CHCHD6: variants seen among roughly 807,000 people sequenced by gnomAD.
CHCHD6 encodes the protein MICOS complex subunit MIC25.
CHCHD6 carries 28 observed loss-of-function variants against 32.3 expected under a neutral mutation model. That is an observed-to-expected ratio of 0.87 (90% CI 0.64 to 1.19). The LOEUF is 1.19. CHCHD6 is among the 50% of genes most tolerant of loss of function. CHCHD6 has a pLI of 0.00. For synonymous variants in CHCHD6, 122 were observed against 117.5 expected, an observed-to-expected ratio of 1.04 and a Z score of -0.25; for missense variants, 333 against 307.0, an observed-to-expected ratio of 1.08 and a Z score of -0.63.
chr3:126,716,753 G>T (rs1325854345), intron 1 of CHCHD6, among the ~76,000 whole-genome samples: 1 of 151,686 alleles, frequency 6.6e-6, no homozygotes, highest in Non-Finnish European at 1.5e-5. Context: ...GTGCCCGGAG[G>T]TCATAAGTGC....
At chr3:126,902,667 AG>A (rs2077945849) in intron 5 of CHCHD6, among the ~76,000 whole-genome samples, 2 of 150,664 alleles carry the variant, frequency 1.3e-5, no homozygotes, top group African/African-American at 4.9e-5. Flanking sequence ...CAGTGAGCCG[AG>A]ATCGCGCCAC....
chr3:126,947,227 C>G (rs991898821), intron 6 of CHCHD6, among the ~76,000 whole-genome samples: 7 of 152,236 alleles, frequency 4.6e-5, no homozygotes, highest in African/African-American at 1.7e-4. Flanking sequence ...GACGCTTCCG[C>G]TCACTTCTGT....
chr3:126,755,564 T>C (rs914694256), intron 4 of CHCHD6, among the ~76,000 whole-genome samples: 5 of 152,344 alleles, frequency 3.3e-5, no homozygotes, highest in East Asian at 3.9e-4. Context: ...ACTGTAGCTC[T>C]CTTTTTGGCA....
At chr3:126,766,978 G>C in intron 4 of CHCHD6, 1 of 908,112 alleles carries the variant, frequency 1.1e-6, no homozygotes. Context: ...TGTGTGGTTA[G>C]CGCCACAGGC....
Position 126,932,853 on chromosome 3 carries a change from G to A in CHCHD6, c.566+18103G>A, listed in dbSNP as rs73861728. Among the ~76,000 whole-genome samples, 360 of 152,216 alleles carry A rather than the reference G, an allele frequency of 2.4e-3. 2 individuals carry two copies. Among genetic ancestry groups the A allele is most frequent in the African/African-American group, 7.7e-3 (320 of 41,566 alleles). ...TTTGCTGAGCAGGCCCAGGGCAGGC[G>A]GGGCTTCTCTGGATGTTATTTAGCA... On this transcript the variant is annotated intron_variant, in intron 6 of 7. Transcript: ENST00000290913.
Position 126,864,858 on chromosome 3 carries a change from C to A in CHCHD6, c.495+12128C>A, listed in dbSNP as rs1351225550. Among the ~76,000 whole-genome samples, 4 of 149,324 alleles carry A rather than the reference C, an allele frequency of 2.7e-5. No homozygotes were observed. The East Asian group carries it at 8.1e-4, about 30-fold the overall frequency. ...CCTCCTCCACCATCATCTCCTCTTCCTCCTCCACCATCATCTCCTCCTCCT... is the reference window on the plus strand; with the variant it reads ...CCTCCTCCACCATCATCTCCTCTTCATCCTCCACCATCATCTCCTCCTCCT... On this transcript the variant is annotated intron_variant, in intron 5 of 7. Coordinates refer to ENST00000290913, the MANE Select transcript of CHCHD6 (RefSeq NM_032343.3).
chr3:126,774,661 C>T (rs1177545342), intron 4 of CHCHD6, among the ~76,000 whole-genome samples: 1 of 152,148 alleles, frequency 6.6e-6, no homozygotes, highest in Non-Finnish European at 1.5e-5. Flanking sequence ...CACCCTTGCT[C>T]TTCTCTGACA....
intron 7 of CHCHD6, among the ~76,000 whole-genome samples, chr3:126,958,574 C>A (rs914001824): frequency 6.6e-6 from 1 of 152,228 alleles, no homozygotes; most frequent in Non-Finnish European, 1.5e-5. Flanking sequence ...GGGTCATGCC[C>A]TGCTCACACC....
intron 6 of CHCHD6, among the ~76,000 whole-genome samples, chr3:126,924,060 C>T (rs1451383861): frequency 6.6e-6 from 1 of 152,158 alleles, no homozygotes; most frequent in African/African-American, 2.4e-5. Context: ...GAGGCAGCCT[C>T]ATACCTAGTG....
intron 6 of CHCHD6, among the ~76,000 whole-genome samples, chr3:126,956,716 T>A (rs2078790827): frequency 6.6e-6 from 1 of 152,160 alleles, no homozygotes; most frequent in African/African-American, 2.4e-5. Context: ...TGCTCTTTTT[T>A]TCCACAACTT....
chr3:126,874,077 C>T (rs182117683), intron 5 of CHCHD6, among the ~76,000 whole-genome samples: 2 of 152,294 alleles, frequency 1.3e-5, no homozygotes, highest in Middle Eastern at 3.4e-3. Context: ...CGGGCCATGT[C>T]GGGTCCCCTC....
At chr3:126,836,435 C>T (rs1940864662) in intron 4 of CHCHD6, among the ~76,000 whole-genome samples, 1 of 152,214 alleles carries the variant, frequency 6.6e-6, no homozygotes. Context: ...TGAGTCCTCA[C>T]CCCTGCCTCT....
At chr3:126,708,339 T>C (rs893195935) in intron 1 of CHCHD6, among the ~76,000 whole-genome samples, 7 of 152,162 alleles carry the variant, frequency 4.6e-5, no homozygotes, top group African/African-American at 1.7e-4. Context: ...CCATAGCCCA[T>C]GTGCTTGGCA....
intron 4 of CHCHD6, among the ~76,000 whole-genome samples, chr3:126,850,842 A>C (rs1941448302): frequency 6.6e-6 from 1 of 152,174 alleles, no homozygotes; most frequent in African/African-American, 2.4e-5. Flanking sequence ...CCGTGCTTGC[A>C]TTCCTGGGAC....
chr3:126,852,381 C>T (rs907508421), intron 4 of CHCHD6, among the ~76,000 whole-genome samples: 5 of 152,156 alleles, frequency 3.3e-5, no homozygotes, highest in Admixed American at 2.6e-4. Flanking sequence ...AAGGAAATAA[C>T]TGTGGGAGAA....
At chr3:126,746,504 C>G (rs1395459882) in intron 4 of CHCHD6, among the ~76,000 whole-genome samples, 1 of 152,130 alleles carries the variant, frequency 6.6e-6, no homozygotes, top group Non-Finnish European at 1.5e-5. Context: ...GCTTGGTGTG[C>G]GAGTGCATCC....
intron 1 of CHCHD6, among the ~76,000 whole-genome samples, chr3:126,720,979 A>C (rs1576336288): frequency 6.6e-6 from 1 of 152,226 alleles, no homozygotes; most frequent in South Asian, 2.1e-4. Flanking sequence ...GTATTTACCT[A>C]CAATCAAACG....
intron 4 of CHCHD6, among the ~76,000 whole-genome samples, chr3:126,802,159 C>G (rs1385911212): frequency 1.3e-5 from 2 of 152,212 alleles, no homozygotes; most frequent in Non-Finnish European, 2.9e-5. Context: ...CAGAGTGCCT[C>G]TCCTCCTCCA....
intron 4 of CHCHD6, among the ~76,000 whole-genome samples, chr3:126,768,662 C>T (rs1413973455): frequency 6.6e-6 from 1 of 152,186 alleles, no homozygotes; most frequent in South Asian, 2.1e-4. Flanking sequence ...TCCACAGAGG[C>T]TGAAGTAATT....
Sources: gnomAD v4.1 joint callset for allele counts (sites outside exome capture counted in the v4.1 genomes callset) on GRCh38, gnomAD v4.1.1 for gene constraint, MANE v1.5 for transcripts, NCBI Gene and HGNC (gene_info 2026-07-23, HGNC 2026-07-21) for gene names.